The following NCAM2 variants were observed in gnomAD, a reference collection of about 807,000 sequenced individuals.
The protein encoded by NCAM2 is neural cell adhesion molecule 2, also known as N-CAM-2.
A neutral mutation model predicts 98.1 loss-of-function variants in NCAM2; 30 were observed. That is an observed-to-expected ratio of 0.31 (90% CI 0.23 to 0.41). The LOEUF (loss-of-function observed/expected upper bound fraction) is 0.41. Ranked by LOEUF, NCAM2 falls within the 10% of genes least tolerant of loss-of-function variation. The pLI is 1.00. For missense variants in NCAM2, 867 were observed against 1,005.8 expected (o/e 0.86, Z 1.87); for synonymous variants, 368 against 342.4 (o/e 1.07, Z -0.83).
intron 1 of NCAM2, among the ~76,000 whole-genome samples, chr21:21,012,709 T>G (rs115624658): frequency 1.6e-4 from 24 of 152,266 alleles, no homozygotes; most frequent in African/African-American, 5.1e-4. Context: ...ATACTGCATT[T>G]TTTTTACAAC....
intron 1 of NCAM2, among the ~76,000 whole-genome samples, chr21:21,178,465 C>T (rs527776379): frequency 3.3e-5 from 5 of 152,132 alleles, no homozygotes; most frequent in South Asian, 4.1e-4. Context: ...AAATGGTTCA[C>T]TCAGCAAAGC....
chr21:21,448,507 A>T (rs906728005), intron 12 of NCAM2, among the ~76,000 whole-genome samples: 15 of 151,414 alleles, frequency 9.9e-5, no homozygotes, highest in Non-Finnish European at 2.2e-4. Context: ...AAATTGAAGT[A>T]AAATAAATAA....
rs554440628 is a variant in NCAM2 at position 21,335,530 on chromosome 21, G to C, written c.763G>C (p.Glu255Gln). 2 of 1,600,532 alleles carry C rather than the reference G, an allele frequency of 1.2e-6. No homozygotes were observed. Among genetic ancestry groups the C allele is most frequent in the African/African-American group, 1.3e-5 (1 of 74,156 alleles). Residue 255 changes from glutamate (E) to glutamine (Q), a missense_variant, in exon 7 of 18, where the codon GAG (glutamate) becomes CAG (glutamine). Physicochemically the swap from Glu to Gln is conservative, Grantham distance 29. This residue lies in a region of NCAM2 where 447 missense variants were observed against 495.7 expected (regional missense o/e 0.90). Transcript: ENST00000400546. ...GAATGGCAAGCTCATTGAAGAAAAT[G>C]AGAAGTACATATTGAAAGGGAGCAA... ...FRNGKLIEEN[E>Q]KYILKGSNTE... is the part of the protein sequence containing the mutation.
rs188216017 is a variant in NCAM2, at chr21:21,074,709, C to A, written c.55+76091C>A. ...CCTACAATTAGATGGGTCAAGCTAA[C>A]ACTCGTTCTTTCTTGCTTCCTCTAT... On this transcript the variant is annotated intron_variant, in intron 1 of 17. Coordinates refer to ENST00000400546, the MANE Select transcript of NCAM2 (RefSeq NM_004540.5). Among the ~76,000 whole-genome samples, 21 of 149,910 alleles carry A rather than the reference C, an allele frequency of 1.4e-4. No individual in the cohort carries two copies. In the East Asian group the frequency reaches 4.1e-3, roughly 29 times the overall value.
rs10679055 is a variant in NCAM2, at chr21:21,132,394, C to CTTT, written c.55+133784_55+133786dup. On this transcript the variant is annotated intron_variant, in intron 1 of 17. Coordinates refer to ENST00000400546, the MANE Select transcript of NCAM2 (RefSeq NM_004540.5). ...CTGTACTTAATCACATCTGTAAAGTCTTTTTTTTTTCATATAATTCAACAT... is the reference window on the plus strand; with the variant it reads ...CTGTACTTAATCACATCTGTAAAGTCTTTTTTTTTTTTTCATATAATTCAACAT... 9.5e-3 allele frequency among the ~76,000 whole-genome samples: 1,414 copies of CTTT among 149,504 alleles called. 15 individuals are homozygous for CTTT. Among genetic ancestry groups the CTTT allele is most frequent in the Middle Eastern group, 0.017 (5 of 288 alleles).
At chr21:21,041,224 T>C (rs1182995801) in intron 1 of NCAM2, among the ~76,000 whole-genome samples, 2 of 152,232 alleles carry the variant, frequency 1.3e-5, no homozygotes, top group South Asian at 2.1e-4. Context: ...CAAAATAAGA[T>C]CATTTCTCTG....
intron 1 of NCAM2, among the ~76,000 whole-genome samples, chr21:21,176,874 G>A (rs564207957): frequency 2.6e-4 from 39 of 150,678 alleles, no homozygotes; most frequent in African/African-American, 9.5e-4. Flanking sequence ...TGATGGAATA[G>A]TTAAAAAAAA....
intron 8 of NCAM2, among the ~76,000 whole-genome samples, chr21:21,364,732 A>C (rs2075743145): frequency 6.6e-6 from 1 of 152,108 alleles, no homozygotes; most frequent in South Asian, 2.1e-4. Flanking sequence ...CAATAAAATT[A>C]ATACTTTGAA....
At chr21:21,012,402 C>G (rs1398032944) in intron 1 of NCAM2, among the ~76,000 whole-genome samples, 1 of 151,998 alleles carries the variant, frequency 6.6e-6, no homozygotes, top group East Asian at 1.9e-4. Context: ...GGATGACTTA[C>G]TGAATATTAT....
intron 15 of NCAM2, among the ~76,000 whole-genome samples, chr21:21,481,215 C>G (rs764584447): frequency 6.6e-6 from 1 of 152,080 alleles, no homozygotes; most frequent in Non-Finnish European, 1.5e-5. Context: ...TCTTGAATTA[C>G]TGAAGAGTAG....
intron 12 of NCAM2, among the ~76,000 whole-genome samples, chr21:21,454,750 A>G (rs944446055): frequency 3.3e-5 from 5 of 152,014 alleles, no homozygotes; most frequent in African/African-American, 1.2e-4. Context: ...TATAAGTGTT[A>G]GCTTTCTCAA....
At chr21:21,035,013 A>G (rs556631524) in intron 1 of NCAM2, among the ~76,000 whole-genome samples, 4 of 152,308 alleles carry the variant, frequency 2.6e-5, no homozygotes, top group African/African-American at 4.8e-5. Context: ...TAACAACTGT[A>G]TGAATTGGGT....
chr21:21,438,934 T>G (rs1978815025), intron 12 of NCAM2, among the ~76,000 whole-genome samples: 1 of 151,928 alleles, frequency 6.6e-6, no homozygotes, highest in South Asian at 2.1e-4. Flanking sequence ...AAATTGTTTT[T>G]TATTAGTTGG....
At chr21:21,477,561 A>C in intron 15 of NCAM2, 90 bp downstream of exon 15, 1 of 1,002,014 alleles carries the variant, frequency 1.0e-6, no homozygotes, top group Non-Finnish European at 1.4e-6. Flanking sequence ...TTAATAATTA[A>C]AACAAACTGA....
chr21:21,140,995 G>T (rs1217929851), intron 1 of NCAM2, among the ~76,000 whole-genome samples: 1 of 152,042 alleles, frequency 6.6e-6, no homozygotes, highest in Non-Finnish European at 1.5e-5. Context: ...TTTTAAAAAT[G>T]GGCTATTTAT....
chr21:21,328,574 T>A (rs1393065176), intron 6 of NCAM2, among the ~76,000 whole-genome samples: 1 of 143,078 alleles, frequency 7.0e-6, no homozygotes, highest in African/African-American at 2.5e-5. Context: ...GGGGGTATCT[T>A]CCTTTAAAAA....
At chr21:21,479,960 A>G (rs1363977718) in intron 15 of NCAM2, among the ~76,000 whole-genome samples, 1 of 152,158 alleles carries the variant, frequency 6.6e-6, no homozygotes, top group Non-Finnish European at 1.5e-5. Flanking sequence ...CTTCTTTGTG[A>G]CAAACCCTTG....
chr21:21,381,307 A>G (rs997165962), intron 9 of NCAM2, among the ~76,000 whole-genome samples: 1 of 152,186 alleles, frequency 6.6e-6, no homozygotes, highest in Non-Finnish European at 1.5e-5. Flanking sequence ...ATAATTTGCC[A>G]TCCACTGGTT....
At chr21:21,174,949 C>T (rs1052903681) in intron 1 of NCAM2, among the ~76,000 whole-genome samples, 6 of 151,616 alleles carry the variant, frequency 4.0e-5, no homozygotes, top group African/African-American at 1.2e-4. Context: ...ATAATAATAC[C>T]GTAAATCAAG....
Sources: allele counts gnomAD v4.1 joint callset (sites outside exome capture counted in the v4.1 genomes callset), GRCh38; gene constraint gnomAD v4.1.1; regional missense constraint gnomAD v4.1.1; transcripts MANE v1.5; gene names NCBI Gene and HGNC (gene_info 2026-07-23, HGNC 2026-07-21).